The following RCAN2 variants were observed in gnomAD, a reference collection of about 807,000 sequenced individuals.
RCAN2 encodes regulator of calcineurin 2.
In RCAN2, 9 loss-of-function variants were observed where a neutral mutation model predicts 23.6. The observed-to-expected ratio is 0.38, with a 90% CI of 0.23 to 0.67. The LOEUF (loss-of-function observed/expected upper bound fraction) is 0.67. RCAN2 is among the 30% of genes least tolerant of loss of function. RCAN2 has a pLI of 0.51. For missense variants in RCAN2, 273 were observed against 302.3 expected, an observed-to-expected ratio of 0.90 and a Z score of 0.72; for synonymous variants, 109 against 115.7, an observed-to-expected ratio of 0.94 and a Z score of 0.37.
chr6:46,418,970 C>A (rs989698788), intron 2 of RCAN2, among the ~76,000 whole-genome samples: 4 of 151,596 alleles, frequency 2.6e-5, no homozygotes, highest in Non-Finnish European at 4.4e-5. Flanking sequence ...CACCTGTAGT[C>A]CTAGCTACTT....
intron 2 of RCAN2, among the ~76,000 whole-genome samples, chr6:46,360,395 GTGGTGGTGGGCACC>G (rs1764970060): frequency 6.6e-6 from 1 of 151,838 alleles, no homozygotes; most frequent in South Asian, 2.1e-4. Flanking sequence ...TTAGCGGGGC[GTGGTGGTGGGCACC>G]TGTAGTCCCA....
At chr6:46,447,164 C>A (rs2150426331) in intron 2 of RCAN2, among the ~76,000 whole-genome samples, 1 of 151,578 alleles carries the variant, frequency 6.6e-6, no homozygotes, top group African/African-American at 2.4e-5. Flanking sequence ...AAATGCTAAC[C>A]AAAGGAGAGC....
intron 2 of RCAN2, among the ~76,000 whole-genome samples, chr6:46,279,270 G>A (rs1767820387): frequency 1.3e-5 from 2 of 152,176 alleles, no homozygotes; most frequent in African/African-American, 4.8e-5. Flanking sequence ...ATAACCTGAT[G>A]GACATTTGTG....
At chr6:46,262,812 G>A (rs921225583) in intron 2 of RCAN2, among the ~76,000 whole-genome samples, 1 of 152,066 alleles carries the variant, frequency 6.6e-6, no homozygotes, top group Admixed American at 6.6e-5. Context: ...GTTCCCAAAG[G>A]CAGGTTATTC....
chr6:46,472,900 G>T (rs2150442520), intron 1 of RCAN2, among the ~76,000 whole-genome samples: 1 of 152,218 alleles, frequency 6.6e-6, no homozygotes, highest in South Asian at 2.1e-4. Context: ...CAAGATCTAG[G>T]GATTTTCACC....
At chr6:46,448,787 A>C (rs978673735) in intron 2 of RCAN2, among the ~76,000 whole-genome samples, 3 of 151,924 alleles carry the variant, frequency 2.0e-5, no homozygotes, top group Non-Finnish European at 4.4e-5. Context: ...CCTCTTTCAC[A>C]ATAAAAATTC....
chr6:46,240,220 A>G (rs914852830), intron 4 of RCAN2, among the ~76,000 whole-genome samples: 2 of 152,200 alleles, frequency 1.3e-5, no homozygotes, highest in African/African-American at 4.8e-5. Context: ...TACCTATAAG[A>G]AAAAATGCAA....
intron 2 of RCAN2, among the ~76,000 whole-genome samples, chr6:46,387,927 A>G (rs1289414053): frequency 6.6e-6 from 1 of 152,220 alleles, no homozygotes; most frequent in African/African-American, 2.4e-5. Flanking sequence ...GCAGCCATAA[A>G]AAAGGATGAG....
chr6:46,412,035 C>T (rs1766564996), intron 2 of RCAN2, among the ~76,000 whole-genome samples: 1 of 152,128 alleles, frequency 6.6e-6, no homozygotes, highest in South Asian at 2.1e-4. Flanking sequence ...ACAGTGGAAG[C>T]AGGAATACCA....
chr6:46,420,646 T>G (rs530505111), intron 2 of RCAN2, among the ~76,000 whole-genome samples: 2 of 151,332 alleles, frequency 1.3e-5, no homozygotes, highest in African/African-American at 2.4e-5. Flanking sequence ...TGGGTTCAAG[T>G]GATTCTCCTG....
In RCAN2 at chr6:46,286,067, T is replaced by C. The variant is rs372802843; in HGVS notation, c.226-37171A>G. Among the ~76,000 whole-genome samples the C allele has an allele frequency of 3.9e-5, 6 of 152,348 alleles. No homozygotes were observed. The South Asian group carries it at 1.2e-3, about 32-fold the overall frequency. ...TGTAAACAGGTATTGTAAAATTAAG[T>C]TTAGCCTAAAGTTGCCTCCTTACAT... On this transcript the variant is annotated intron_variant, in intron 2 of 4. Coordinates refer to ENST00000371374, the MANE Select transcript of RCAN2 (RefSeq NM_001251974.2).
chr6:46,340,761 T>G (rs1020283251), intron 2 of RCAN2, among the ~76,000 whole-genome samples: 2 of 152,248 alleles, frequency 1.3e-5, no homozygotes, highest in African/African-American at 4.8e-5. Context: ...AGCAGATGTA[T>G]GTACATGTGT....
At chr6:46,267,495 A>G (rs945446351) in intron 2 of RCAN2, among the ~76,000 whole-genome samples, 19 of 152,188 alleles carry the variant, frequency 1.2e-4, no homozygotes, top group African/African-American at 4.6e-4. Context: ...AGCCTAAGCA[A>G]CATAGGAAGA....
chr6:46,470,658 A>T (rs1333855879), intron 1 of RCAN2, among the ~76,000 whole-genome samples: 4 of 152,152 alleles, frequency 2.6e-5, no homozygotes, highest in Non-Finnish European at 4.4e-5. Flanking sequence ...CTCATTTTTT[A>T]TATTTCTTAA....
At chr6:46,444,168 A>G (rs1244141058) in intron 2 of RCAN2, among the ~76,000 whole-genome samples, 2 of 152,168 alleles carry the variant, frequency 1.3e-5, no homozygotes, top group Non-Finnish European at 2.9e-5. Context: ...TAGGTGACAC[A>G]AAATATTTTA....
chr6:46,399,215 A>G (rs1387029021), intron 2 of RCAN2, among the ~76,000 whole-genome samples: 1 of 152,050 alleles, frequency 6.6e-6, no homozygotes, highest in Admixed American at 6.6e-5. Context: ...CAAAGCAGAC[A>G]TGTCTGATGC....
chr6:46,311,098 G>A (rs143072629), intron 2 of RCAN2, among the ~76,000 whole-genome samples: 161 of 152,224 alleles, frequency 1.1e-3, no homozygotes, highest in African/African-American at 3.7e-3. Flanking sequence ...CTTTACAGAG[G>A]GGAAAACTTC....
intron 1 of RCAN2, among the ~76,000 whole-genome samples, chr6:46,480,276 G>A (rs937443752): frequency 2.6e-5 from 4 of 152,192 alleles, no homozygotes; most frequent in African/African-American, 9.6e-5. Flanking sequence ...TACCTCACAG[G>A]TTTGTCGAGA....
At chr6:46,403,056 C>T (rs1249683844) in intron 2 of RCAN2, among the ~76,000 whole-genome samples, 1 of 152,068 alleles carries the variant, frequency 6.6e-6, no homozygotes, top group Non-Finnish European at 1.5e-5. Context: ...GCTCTGCCTC[C>T]CATGCTTACA....
Sources: allele counts gnomAD v4.1 joint callset (sites outside exome capture counted in the v4.1 genomes callset), GRCh38; gene constraint gnomAD v4.1.1; transcripts MANE v1.5; gene names NCBI Gene and HGNC (gene_info 2026-07-23, HGNC 2026-07-21).